BANK1: variants seen among roughly 807,000 people sequenced by gnomAD.
BANK1 encodes B-cell scaffold protein with ankyrin repeats.
Under a neutral mutation model 94.5 loss-of-function variants are expected in BANK1, and 95 were observed. The observed-to-expected ratio is 1.00, with a 90% CI of 0.85 to 1.19. The LOEUF (loss-of-function observed/expected upper bound fraction) is 1.19. Among genes scored for constraint, BANK1 ranks in the 50% most tolerant of loss-of-function variants. The pLI, the probability that BANK1 is intolerant of heterozygous loss-of-function variation, is 0.00. For missense variants in BANK1, 987 were observed against 932.2 expected (o/e 1.06, Z -0.77); for synonymous variants, 334 against 308.4 (o/e 1.08, Z -0.87).
intron 7 of BANK1, among the ~76,000 whole-genome samples, chr4:101,971,452 G>A (rs977538457): frequency 6.6e-6 from 1 of 151,964 alleles, no homozygotes; most frequent in Non-Finnish European, 1.5e-5. Flanking sequence ...ACTATCCTAG[G>A]TCATCTCTCC....
chr4:101,791,788 G>A (rs1242583416), intron 1 of BANK1, among the ~76,000 whole-genome samples: 1 of 152,068 alleles, frequency 6.6e-6, no homozygotes, highest in African/African-American at 2.4e-5. Context: ...AATTTTGGTT[G>A]TAGCTATTTC....
intron 7 of BANK1, among the ~76,000 whole-genome samples, chr4:101,928,612 G>C (rs73836660): frequency 8.2e-4 from 124 of 151,782 alleles, no homozygotes; most frequent in African/African-American, 2.8e-3. Context: ...TAAAATATCA[G>C]CAAGCCAATT....
At chr4:102,053,864 T>C (rs1379732901) in intron 11 of BANK1, among the ~76,000 whole-genome samples, 1 of 151,808 alleles carries the variant, frequency 6.6e-6, no homozygotes, top group Non-Finnish European at 1.5e-5. Context: ...AAAATGTTTT[T>C]TCATTCATTA....
intron 5 of BANK1, among the ~76,000 whole-genome samples, chr4:101,884,248 A>T (rs1270973257): frequency 6.6e-6 from 1 of 152,222 alleles, no homozygotes; most frequent in African/African-American, 2.4e-5. Context: ...TACATCAGTT[A>T]TGCTCAAGTC....
At chr4:101,836,996 C>A (rs1054777267) in intron 2 of BANK1, among the ~76,000 whole-genome samples, 3 of 152,118 alleles carry the variant, frequency 2.0e-5, no homozygotes, top group Admixed American at 2.0e-4. Context: ...CTAGAACCTC[C>A]CAGCTGGTGG....
intron 13 of BANK1, among the ~76,000 whole-genome samples, chr4:102,067,746 T>A (rs1041719284): frequency 1.3e-5 from 2 of 151,904 alleles, no homozygotes; most frequent in African/African-American, 4.8e-5. Context: ...ATAGAACAAA[T>A]AGACAAAAAT....
chr4:101,859,961 A>G (rs1727807432), intron 3 of BANK1, among the ~76,000 whole-genome samples: 1 of 152,198 alleles, frequency 6.6e-6, no homozygotes, highest in Non-Finnish European at 1.5e-5. Flanking sequence ...CAGTGCAGAA[A>G]CAGTCAAATG....
chr4:101,884,970 G>A (rs1218117518), intron 5 of BANK1, among the ~76,000 whole-genome samples: 2 of 152,098 alleles, frequency 1.3e-5, no homozygotes, highest in African/African-American at 2.4e-5. Context: ...GTGCAGTGGC[G>A]CGATCTGGGT....
intron 2 of BANK1, among the ~76,000 whole-genome samples, chr4:101,851,075 G>A (rs748088120): frequency 8.5e-5 from 13 of 152,152 alleles, no homozygotes; most frequent in Non-Finnish European, 1.3e-4. Flanking sequence ...TAGTGAGAAA[G>A]GCATGTTAAA....
chr4:101,929,954 A>T (rs919100831), intron 7 of BANK1, among the ~76,000 whole-genome samples: 3 of 151,486 alleles, frequency 2.0e-5, no homozygotes, highest in African/African-American at 7.3e-5. Flanking sequence ...CATTCATTTA[A>T]TATTAGTTTT....
intron 9 of BANK1, among the ~76,000 whole-genome samples, chr4:102,028,239 T>C (rs1441850961): frequency 6.6e-6 from 1 of 152,194 alleles, no homozygotes; most frequent in Non-Finnish European, 1.5e-5. Context: ...ACTGAAAAAG[T>C]GGTTCCCACA....
At chr4:101,842,278 G>T (rs1402659184) in intron 2 of BANK1, among the ~76,000 whole-genome samples, 2 of 152,178 alleles carry the variant, frequency 1.3e-5, no homozygotes, top group Non-Finnish European at 2.9e-5. Flanking sequence ...ACTTAGACAA[G>T]AGATTATATG....
At chr4:101,846,370 A>G (rs922930541) in intron 2 of BANK1, among the ~76,000 whole-genome samples, 46 of 152,340 alleles carry the variant, frequency 3.0e-4, no homozygotes, top group Admixed American at 2.5e-3. Flanking sequence ...TTTTGATTCC[A>G]TCAGATAATT....
At chr4:101,808,795 C>A (rs1024586125) in intron 1 of BANK1, among the ~76,000 whole-genome samples, 2 of 152,090 alleles carry the variant, frequency 1.3e-5, no homozygotes, top group Admixed American at 6.5e-5. Context: ...ATTAAAACCA[C>A]AATGAGATAC....
intron 1 of BANK1, among the ~76,000 whole-genome samples, chr4:101,820,493 T>G (rs916044990): frequency 6.6e-6 from 1 of 152,062 alleles, no homozygotes; most frequent in Non-Finnish European, 1.5e-5. Context: ...TTATTTTAGT[T>G]TAGGGCCTAC....
intron 7 of BANK1, among the ~76,000 whole-genome samples, chr4:101,942,295 C>G (rs1032402893): frequency 6.6e-6 from 1 of 151,878 alleles, no homozygotes; most frequent in Non-Finnish European, 1.5e-5. Flanking sequence ...TATGAAAGTT[C>G]TATGCCACCA....
intron 6 of BANK1, among the ~76,000 whole-genome samples, chr4:101,909,155 A>G (rs1722569491): frequency 6.6e-6 from 1 of 152,232 alleles, no homozygotes; most frequent in Admixed American, 6.5e-5. Context: ...ATGTCCATCA[A>G]TGATAGGCTG....
At chr4:101,996,639 C>T (rs1220899777) in intron 7 of BANK1, among the ~76,000 whole-genome samples, 2 of 152,104 alleles carry the variant, frequency 1.3e-5, no homozygotes, top group Middle Eastern at 3.2e-3. Context: ...GAAGAGAGGT[C>T]CTTCACATCC....
intron 5 of BANK1, among the ~76,000 whole-genome samples, chr4:101,892,574 A>G (rs1721918054): frequency 6.6e-6 from 1 of 151,736 alleles, no homozygotes; most frequent in South Asian, 2.1e-4. Context: ...AATTTGTTCA[A>G]TAACAAAATA....
Sources: allele counts gnomAD v4.1 joint callset (sites outside exome capture counted in the v4.1 genomes callset), GRCh38; gene constraint gnomAD v4.1.1; transcripts MANE v1.5; gene names NCBI Gene and HGNC (gene_info 2026-07-23, HGNC 2026-07-21).